The following POU2F1 variants were observed in gnomAD, a reference collection of about 807,000 sequenced individuals.
The protein encoded by POU2F1 is POU class 2 homeobox 1, also known as POU domain, class 2, transcription factor 1.
Under a neutral mutation model 84.9 loss-of-function variants are expected in POU2F1, and 16 were observed. The ratio of observed to expected loss-of-function variants is 0.19; its 90% CI spans 0.13 to 0.29. The LOEUF is 0.29. Among genes scored for constraint, POU2F1 ranks in the 10% least tolerant of loss-of-function variants. The pLI is 1.00. For synonymous variants in POU2F1, 368 were observed against 368.3 expected (o/e 1.00, Z 0.01); for missense variants, 738 against 942.6 (o/e 0.78, Z 2.84).
In POU2F1 at chr1:167,412,604, A is replaced by G. The variant is rs1039378088; in HGVS notation, c.1901+300A>G. ...AGAAAGCCTAGAATTCTTGACTCTT[A>G]TTTTCCCCATTAAACTCTCTCAACT... On this transcript the variant is annotated intron_variant, in intron 14 of 15. Coordinates refer to ENST00000367866, the MANE Select transcript of POU2F1 (RefSeq NM_002697.4). 3.9e-5 allele frequency among the ~76,000 whole-genome samples: 6 copies of G among 152,176 alleles called. No individual in the cohort carries two copies. The South Asian group carries it at 1.0e-3, about 26-fold the overall frequency.
intron 8 of POU2F1, among the ~76,000 whole-genome samples, chr1:167,384,623 G>A (rs1331960301): frequency 6.6e-6 from 1 of 151,278 alleles, no homozygotes; most frequent in Non-Finnish European, 1.5e-5. Flanking sequence ...CACATTACCA[G>A]ATTTGACAGA....
intron 1 of POU2F1, among the ~76,000 whole-genome samples, chr1:167,226,108 T>C (rs1234271520): frequency 6.6e-6 from 1 of 152,228 alleles, no homozygotes; most frequent in Non-Finnish European, 1.5e-5. Context: ...CTTTTGGTTA[T>C]CCATGTTCTT....
chr1:167,396,281 T>C lies in POU2F1; in HGVS notation c.988-5T>C. The C allele has an allele frequency of 2.5e-6, 4 of 1,613,994 alleles. No homozygotes were observed. The highest frequency in any genetic ancestry group is 3.4e-6 in the Non-Finnish European group (4 of 1,179,910). On this transcript the variant is annotated splice_polypyrimidine_tract_variant and splice_region_variant and intron_variant, in intron 9 of 15. Coordinates refer to ENST00000367866, the MANE Select transcript of POU2F1 (RefSeq NM_002697.4). ...TCCTCTTCTCCTGCTCTGTATTGTG[T>C]GTAGGGTGATGTTGGGCTCGCTATG...
chr1:167,269,449 G>T (rs1431481133), intron 1 of POU2F1, among the ~76,000 whole-genome samples: 1 of 152,168 alleles, frequency 6.6e-6, no homozygotes, highest in East Asian at 1.9e-4. Flanking sequence ...TGGGACTAAG[G>T]TTTTATTTAT....
intron 9 of POU2F1, among the ~76,000 whole-genome samples, chr1:167,390,401 T>G (rs1307334378): frequency 6.6e-6 from 1 of 152,232 alleles, no homozygotes; most frequent in African/African-American, 2.4e-5. Flanking sequence ...GTGGTAGACC[T>G]CAGTACTTCA....
In POU2F1 at chr1:167,415,939, G is replaced by C. The variant is rs1249409214; in HGVS notation, c.*129G>C. On this transcript the variant is annotated 3_prime_UTR_variant, in exon 16 of 16. Coordinates refer to ENST00000367866, the MANE Select transcript of POU2F1 (RefSeq NM_002697.4). ...TGTTGTGAGGGCAAAGGAGAGAAGGGAGAAAAAAAAAAAAAAACCACACAC... is the reference window on the plus strand; with the variant it reads ...TGTTGTGAGGGCAAAGGAGAGAAGGCAGAAAAAAAAAAAAAAACCACACAC... 3 of 400,630 alleles carry C rather than the reference G, an allele frequency of 7.5e-6. No individual in the cohort carries two copies. Among genetic ancestry groups the C allele is most frequent in the South Asian group, 5.5e-5 (2 of 36,604 alleles). The allele number at this position is 400,630 out of a possible 1,614,324, so 24.8% of individuals were successfully genotyped here. A position where few individuals can be genotyped will look rare whatever the true frequency, so the allele number is the denominator to read the frequency against.
At chr1:167,326,496 T>C (rs1656714460) in intron 1 of POU2F1, among the ~76,000 whole-genome samples, 1 of 152,206 alleles carries the variant, frequency 6.6e-6, no homozygotes, top group Non-Finnish European at 1.5e-5. Flanking sequence ...TGTAGAGGCT[T>C]GGACAAACTC....
At position 167,387,645 on chromosome 1, in the gene POU2F1, G is replaced by A. The variant is rs548097069; in HGVS notation, c.814-1943G>A. On this transcript the variant is annotated intron_variant, in intron 8 of 15. Coordinates refer to ENST00000367866, the MANE Select transcript of POU2F1 (RefSeq NM_002697.4). ...TAAATTTGAAGAAGAAAAATTCACA[G>A]CCACAGACTTTATCTGTAATTCTGG... 2.0e-5 allele frequency among the ~76,000 whole-genome samples: 3 copies of A among 152,294 alleles called. No individual in the cohort carries two copies. The South Asian group carries it at 6.2e-4, about 32-fold the overall frequency.
At chr1:167,381,403 G>A (rs1647537330) in intron 7 of POU2F1, among the ~76,000 whole-genome samples, 1 of 151,756 alleles carries the variant, frequency 6.6e-6, no homozygotes, top group African/African-American at 2.4e-5. Context: ...TTTTTAAAAA[G>A]TTCTAAACCT....
intron 1 of POU2F1, among the ~76,000 whole-genome samples, chr1:167,277,498 T>TAA (rs34080201): frequency 4.4e-4 from 60 of 135,596 alleles, no homozygotes; most frequent in African/African-American, 1.2e-3. Context: ...CCTGGCTAAT[T>TAA]AAAAAAAAAA....
chr1:167,311,533 A>G (rs1655469776), intron 1 of POU2F1, among the ~76,000 whole-genome samples: 1 of 152,182 alleles, frequency 6.6e-6, no homozygotes, highest in South Asian at 2.1e-4. Context: ...TCAATGATGG[A>G]CAGTGTATAT....
intron 1 of POU2F1, chr1:167,241,746 T>C (rs1047206982): frequency 6.6e-6 from 1 of 152,234 alleles, no homozygotes; most frequent in African/African-American, 2.4e-5. Context: ...AATCTTCATG[T>C]CAACACTTAT....
chr1:167,337,579 A>G (rs1657554354), intron 2 of POU2F1, among the ~76,000 whole-genome samples: 1 of 152,108 alleles, frequency 6.6e-6, no homozygotes, highest in Non-Finnish European at 1.5e-5. Flanking sequence ...AAGAGGCAGC[A>G]GACCTCAAGT....
intron 1 of POU2F1, among the ~76,000 whole-genome samples, chr1:167,291,044 GAA>G (rs56798282): frequency 0.017 from 2,000 of 117,368 alleles, 32 homozygotes; most frequent in African/African-American, 0.047. Context: ...GACCCTGTCA[GAA>G]AAAAAAAAAA....
intron 1 of POU2F1, among the ~76,000 whole-genome samples, chr1:167,228,877 A>G (rs1021622): frequency 0.91 from 138,512 of 152,258 alleles, 63,948 homozygotes; most frequent in East Asian, 1. Flanking sequence ...ATAGTACTTT[A>G]AAATTTATAG....
chr1:167,290,456 T>A (rs781226812), intron 1 of POU2F1, among the ~76,000 whole-genome samples: 3 of 152,240 alleles, frequency 2.0e-5, no homozygotes, highest in Admixed American at 6.5e-5. Flanking sequence ...TGCATATGAT[T>A]ATACCCTTTT....
chr1:167,291,819 T>G (rs1383052022), intron 1 of POU2F1, among the ~76,000 whole-genome samples: 1 of 152,170 alleles, frequency 6.6e-6, no homozygotes, highest in Non-Finnish European at 1.5e-5. Flanking sequence ...AAGAGAATTT[T>G]AATAGCCTCA....
rs545185593 is a variant in POU2F1 at position 167,263,380 on chromosome 1, C to A, written c.61+42422C>A. 1.9e-4 allele frequency among the ~76,000 whole-genome samples: 29 copies of A among 151,964 alleles called. No individual in the cohort carries two copies. In the South Asian group the frequency reaches 4.2e-3, roughly 22 times the overall value. ...ACTAAAAATGCAAAAATTAGCCGGG[C>A]GTGGTAGCATATGCCTGTAATCCCA... On this transcript the variant is annotated intron_variant, in intron 1 of 15. Coordinates refer to ENST00000367866, the MANE Select transcript of POU2F1 (RefSeq NM_002697.4).
intron 1 of POU2F1, among the ~76,000 whole-genome samples, chr1:167,270,441 G>A (rs1041751047): frequency 2.0e-5 from 3 of 152,148 alleles, no homozygotes; most frequent in African/African-American, 7.2e-5. Context: ...AAAATAAAAG[G>A]CAAAGAGCTT....
Sources: gnomAD v4.1 joint callset for allele counts (sites outside exome capture counted in the v4.1 genomes callset) on GRCh38, gnomAD v4.1.1 for gene constraint, MANE v1.5 for transcripts, NCBI Gene and HGNC (gene_info 2026-07-23, HGNC 2026-07-21) for gene names.